Variants in SGSM1 observed in about 807,000 individuals in gnomAD.
SGSM1 encodes RUN and TBC1 domain containing 2.
A neutral mutation model predicts 133.8 loss-of-function variants in SGSM1; 73 were observed. That is an observed-to-expected ratio of 0.55 (90% CI 0.45 to 0.66). The LOEUF is 0.66. SGSM1 is among the 30% of genes least tolerant of loss of function. The probability of loss-of-function intolerance (pLI) is 0.00; values close to 1 mark genes in which losing one functional copy is unlikely to be tolerated. For missense variants in SGSM1, 1,213 were observed against 1,448.1 expected, an observed-to-expected ratio of 0.84 and a Z score of 2.64; for synonymous variants, 563 against 573.0, an observed-to-expected ratio of 0.98 and a Z score of 0.25.
intron 20 of SGSM1, among the ~76,000 whole-genome samples, chr22:24,903,907 G>C (rs181960395): frequency 6.6e-6 from 1 of 151,182 alleles, no homozygotes; most frequent in African/African-American, 2.4e-5. Flanking sequence ...GGGAAGTGGA[G>C]GTTGCAGTGA....
intron 2 of SGSM1, among the ~76,000 whole-genome samples, chr22:24,842,762 G>T (rs7291798): frequency 0.24 from 35,960 of 152,142 alleles, 6,887 homozygotes; most frequent in African/African-American, 0.52. Flanking sequence ...GGAGGCCAGG[G>T]AAGGTTTCAG....
chr22:24,907,488 G>T (rs1933432779), intron 21 of SGSM1, among the ~76,000 whole-genome samples: 1 of 151,690 alleles, frequency 6.6e-6, no homozygotes, highest in Non-Finnish European at 1.5e-5. Flanking sequence ...TAAAGTCAGT[G>T]CAATCTCTGT....
intron 21 of SGSM1, among the ~76,000 whole-genome samples, chr22:24,911,916 T>C (rs1933638441): frequency 6.6e-6 from 1 of 151,544 alleles, no homozygotes; most frequent in South Asian, 2.1e-4. Flanking sequence ...TTAGTTGGGC[T>C]TGGTGGCGGG....
intron 19 of SGSM1, among the ~76,000 whole-genome samples, chr22:24,901,571 T>G (rs1377014903): frequency 6.6e-6 from 1 of 152,164 alleles, no homozygotes; most frequent in East Asian, 1.9e-4. Flanking sequence ...TTCATTCTCC[T>G]TGTCCAGTTT....
chr22:24,884,242 A>G (rs1555931394), intron 15 of SGSM1, 44 bp downstream of exon 15: 3 of 1,572,688 alleles, frequency 1.9e-6, no homozygotes, highest in Non-Finnish European at 2.6e-6. Context: ...CAGAGGCTGC[A>G]GGGGGGTCAT....
At chr22:24,858,441 C>T (rs1259016083) in intron 8 of SGSM1, among the ~76,000 whole-genome samples, 1 of 151,874 alleles carries the variant, frequency 6.6e-6, no homozygotes, top group Non-Finnish European at 1.5e-5. Context: ...ATGGCGAAAC[C>T]CTATCTCTAC....
chr22:24,894,362 C>T (rs2123696149), intron 17 of SGSM1, among the ~76,000 whole-genome samples: 1 of 152,332 alleles, frequency 6.6e-6, no homozygotes. Context: ...CACTGCACTC[C>T]AGCACGGGCA....
At chr22:24,910,889 G>A (rs1933592917) in intron 21 of SGSM1, among the ~76,000 whole-genome samples, 1 of 152,026 alleles carries the variant, frequency 6.6e-6, no homozygotes, top group African/African-American at 2.4e-5. Flanking sequence ...AGGTTGCAGT[G>A]AGCCAAGATC....
At chr22:24,874,862 A>T (rs940829790) in intron 12 of SGSM1, among the ~76,000 whole-genome samples, 1 of 152,218 alleles carries the variant, frequency 6.6e-6, no homozygotes, top group Non-Finnish European at 1.5e-5. Context: ...TGGTCAGTGC[A>T]TCCCTGAGAT....
At chr22:24,851,755 C>T (rs1400769286) in intron 5 of SGSM1, among the ~76,000 whole-genome samples, 1 of 152,076 alleles carries the variant, frequency 6.6e-6, no homozygotes, top group Non-Finnish European at 1.5e-5. Context: ...TCCTGGATGG[C>T]GCAACGGTTA....
chr22:24,860,920 AAAATAT>A (rs1411625051), intron 9 of SGSM1, among the ~76,000 whole-genome samples: 1 of 63,426 alleles, frequency 1.6e-5, no homozygotes, highest in African/African-American at 9.5e-5. Flanking sequence ...AAAAAAAAAA[AAAATAT>A]ATATATATAT....
chr22:24,912,763 G>A lies in SGSM1; in HGVS notation c.2928+11G>A. 1 of 1,598,678 alleles carries A rather than the reference G, an allele frequency of 6.3e-7. No homozygotes were observed. Among genetic ancestry groups the A allele is most frequent in the East Asian group, 2.2e-5 (1 of 44,704 alleles). ...AGATCGTTGATCCAGGTATGACCCAGCATCCATTCTTGCTTTGGACTTTTT... is the reference window on the plus strand; with the variant it reads ...AGATCGTTGATCCAGGTATGACCCAACATCCATTCTTGCTTTGGACTTTTT... On this transcript the variant is annotated intron_variant, in intron 22 of 24. Coordinates refer to ENST00000400358, the MANE Select transcript of SGSM1 (RefSeq NM_001098497.3).
chr22:24,875,141 G>C (rs1463828105), intron 12 of SGSM1, among the ~76,000 whole-genome samples: 1 of 152,148 alleles, frequency 6.6e-6, no homozygotes, highest in Non-Finnish European at 1.5e-5. Context: ...CAGTTGTCCT[G>C]TGGGGACCAT....
At chr22:24,904,764 G>T (rs1384860721) in intron 20 of SGSM1, among the ~76,000 whole-genome samples, 2 of 152,118 alleles carry the variant, frequency 1.3e-5, no homozygotes, top group East Asian at 3.9e-4. Context: ...TGGAGAGGAA[G>T]ACAGTGGGAA....
At chr22:24,895,074 A>T (rs1193843239) in intron 17 of SGSM1, 149 bp from the exon 18 acceptor site, 1 of 761,170 alleles carries the variant, frequency 1.3e-6, no homozygotes, top group Non-Finnish European at 2.2e-6. Flanking sequence ...TTCATTTTAC[A>T]GCTAGGAAAC....
intron 2 of SGSM1, among the ~76,000 whole-genome samples, chr22:24,817,171 C>G (rs1210362940): frequency 6.6e-6 from 1 of 152,158 alleles, no homozygotes; most frequent in Non-Finnish European, 1.5e-5. Context: ...GCCTGTGATG[C>G]GGGAGGTATA....
chr22:24,891,877 C>A (rs1427680478), intron 16 of SGSM1, among the ~76,000 whole-genome samples: 2 of 151,930 alleles, frequency 1.3e-5, no homozygotes, highest in Admixed American at 6.6e-5. Context: ...ACAGCACAGG[C>A]AGAGGTCTGG....
At position 24,898,451 on chromosome 22, in the gene SGSM1, C is replaced by G. The variant is rs760687995; in HGVS notation, c.2502C>G (p.Leu834=). 6.2e-7 allele frequency: 1 copy of G among 1,613,824 alleles called. No individual in the cohort carries two copies. Among genetic ancestry groups the G allele is most frequent in the Non-Finnish European group, 8.5e-7 (1 of 1,179,896 alleles). Residue 834 remains leucine (L), a synonymous_variant, in exon 19 of 25, where the codon CTC becomes CTG. Transcript: ENST00000400358. Reference sequence around the variant, plus strand: ...GCCAGGCGGACAGTGAGGACAACCTCTCGGAGGAGCCTGAGATGGAAAGTC... The same window carrying G: ...GCCAGGCGGACAGTGAGGACAACCTGTCGGAGGAGCCTGAGATGGAAAGTC... ...KHGQADSEDN[L]SEEPEMESLF...
rs1042823745 is a variant in SGSM1, at chr22:24,926,311, A to C, written c.*2037A>C. 2 of 152,292 alleles carry C rather than the reference A, an allele frequency of 1.3e-5. No individual in the cohort carries two copies. Among genetic ancestry groups the C allele is most frequent in the Admixed American group, 1.3e-4 (2 of 15,288 alleles). The allele number at this position is 152,292 out of a possible 1,614,324, so 9.4% of individuals were successfully genotyped here. A position where few individuals can be genotyped will look rare whatever the true frequency, so the allele number is the denominator to read the frequency against. On this transcript the variant is annotated 3_prime_UTR_variant, in exon 25 of 25. Coordinates refer to ENST00000400358, the MANE Select transcript of SGSM1 (RefSeq NM_001098497.3). Reference sequence around the variant, plus strand: ...AGCTCTGTGGGAAACTCGAGGCTACAGTAGCTTCCCGGCTCCCAGCTCCTA... The same window carrying C: ...AGCTCTGTGGGAAACTCGAGGCTACCGTAGCTTCCCGGCTCCCAGCTCCTA...
Sources: gnomAD v4.1 joint callset for allele counts (sites outside exome capture counted in the v4.1 genomes callset) on GRCh38, gnomAD v4.1.1 for gene constraint, MANE v1.5 for transcripts, NCBI Gene and HGNC (gene_info 2026-07-23, HGNC 2026-07-21) for gene names.